DOK6: variants seen among roughly 807,000 people sequenced by gnomAD.
DOK6 encodes downstream of tyrosine kinase 6.
In DOK6, 22 loss-of-function variants were observed where a neutral mutation model predicts 44.0. The observed-to-expected ratio is 0.50, with a 90% CI of 0.36 to 0.71. The LOEUF (loss-of-function observed/expected upper bound fraction) is 0.71. Among genes scored for constraint, DOK6 ranks in the 30% least tolerant of loss-of-function variants. DOK6 has a pLI of 0.00. For synonymous variants in DOK6, 166 were observed against 145.5 expected, an observed-to-expected ratio of 1.14 and a Z score of -1.01; for missense variants, 340 against 416.4, an observed-to-expected ratio of 0.82 and a Z score of 1.60.
At chr18:69,834,937 G>C (rs1236274708) in intron 7 of DOK6, among the ~76,000 whole-genome samples, 1 of 152,220 alleles carries the variant, frequency 6.6e-6, no homozygotes, top group Non-Finnish European at 1.5e-5. Flanking sequence ...GAAAGGGGAA[G>C]AGTCACATCT....
At chr18:69,424,974 G>C (rs1427262437) in intron 1 of DOK6, among the ~76,000 whole-genome samples, 1 of 152,120 alleles carries the variant, frequency 6.6e-6, no homozygotes, top group Non-Finnish European at 1.5e-5. Flanking sequence ...TTGCCATCAT[G>C]CTTCAGTGCC....
intron 3 of DOK6, among the ~76,000 whole-genome samples, chr18:69,627,905 C>G (rs1296701760): frequency 6.6e-6 from 1 of 152,110 alleles, no homozygotes; most frequent in Non-Finnish European, 1.5e-5. Flanking sequence ...ATATCATTAT[C>G]CACAACTTAC....
At chr18:69,520,849 T>A (rs1314196620) in intron 1 of DOK6, among the ~76,000 whole-genome samples, 1 of 151,894 alleles carries the variant, frequency 6.6e-6, no homozygotes, top group Non-Finnish European at 1.5e-5. Flanking sequence ...TTCAATTCAA[T>A]TCAGTTCCGT....
At chr18:69,423,330 A>G (rs1978548445) in intron 1 of DOK6, among the ~76,000 whole-genome samples, 1 of 151,926 alleles carries the variant, frequency 6.6e-6, no homozygotes, top group Non-Finnish European at 1.5e-5. Flanking sequence ...AACAACAAAA[A>G]ATGTTGGGAA....
chr18:69,742,154 C>A (rs1214354974), intron 6 of DOK6, among the ~76,000 whole-genome samples: 3 of 152,072 alleles, frequency 2.0e-5, no homozygotes, highest in Non-Finnish European at 4.4e-5. Flanking sequence ...GTGGCTCATG[C>A]CTGTAATCCC....
At chr18:69,776,654 G>C (rs1980076153) in intron 7 of DOK6, among the ~76,000 whole-genome samples, 1 of 151,926 alleles carries the variant, frequency 6.6e-6, no homozygotes, top group Non-Finnish European at 1.5e-5. Context: ...CAATACTAAA[G>C]ACATCATCAC....
At chr18:69,519,070 T>C (rs1040455374) in intron 1 of DOK6, among the ~76,000 whole-genome samples, 9 of 152,026 alleles carry the variant, frequency 5.9e-5, no homozygotes, top group African/African-American at 2.2e-4. Context: ...GTAGTTGGCT[T>C]TCAGAAATTT....
chr18:69,820,854 G>A (rs1981547504), intron 7 of DOK6, among the ~76,000 whole-genome samples: 1 of 152,044 alleles, frequency 6.6e-6, no homozygotes, highest in African/African-American at 2.4e-5. Context: ...GGGAACACAT[G>A]GACGCATAGA....
chr18:69,755,622 C>G (rs1364325966), intron 6 of DOK6, among the ~76,000 whole-genome samples: 1 of 152,180 alleles, frequency 6.6e-6, no homozygotes, highest in Non-Finnish European at 1.5e-5. Flanking sequence ...ATAAAATGAG[C>G]CTGGCCTCTA....
chr18:69,441,651 A>C (rs1806199201), intron 1 of DOK6, among the ~76,000 whole-genome samples: 1 of 152,198 alleles, frequency 6.6e-6, no homozygotes, highest in Non-Finnish European at 1.5e-5. Flanking sequence ...CAGAACATGC[A>C]CTGGATAATA....
intron 5 of DOK6, among the ~76,000 whole-genome samples, chr18:69,736,466 AC>A (rs1446323673): frequency 2.0e-5 from 3 of 152,326 alleles, no homozygotes; most frequent in Non-Finnish European, 2.9e-5. Flanking sequence ...AAGAAAAAAA[AC>A]ATTCATTTTG....
intron 6 of DOK6, among the ~76,000 whole-genome samples, chr18:69,756,428 T>A (rs1389443742): frequency 1.3e-5 from 2 of 152,096 alleles, no homozygotes; most frequent in African/African-American, 2.4e-5. Flanking sequence ...GAGCCATCTT[T>A]AAAAAAAGAA....
intron 1 of DOK6, among the ~76,000 whole-genome samples, chr18:69,478,194 A>G (rs570302925): frequency 6.6e-6 from 1 of 152,312 alleles, no homozygotes; most frequent in East Asian, 1.9e-4. Context: ...TTTCCGAATC[A>G]CGCTATTTTG....
In DOK6 at chr18:69,541,298, G is replaced by A. The variant is rs745595806; in HGVS notation, c.67-23189G>A. Among the ~76,000 whole-genome samples, 5 of 150,346 alleles carry A rather than the reference G, an allele frequency of 3.3e-5. 2 individuals carry two copies. The highest frequency in any genetic ancestry group is 7.5e-5 in the Non-Finnish European group (5 of 66,816). Reference sequence around the variant, plus strand: ...TGGAATAATTCCTAAGTAGAAATATGTACTTGCTTGTGATGGGGAAATTGA... The same window carrying A: ...TGGAATAATTCCTAAGTAGAAATATATACTTGCTTGTGATGGGGAAATTGA... On this transcript the variant is annotated intron_variant, in intron 1 of 7. Coordinates refer to ENST00000382713, the MANE Select transcript of DOK6 (RefSeq NM_152721.6).
intron 3 of DOK6, among the ~76,000 whole-genome samples, chr18:69,676,157 G>A (rs1985917724): frequency 6.6e-6 from 1 of 152,056 alleles, no homozygotes; most frequent in African/African-American, 2.4e-5. Flanking sequence ...GTGAGGGGAT[G>A]GTCCCTGACA....
Position 69,757,800 on chromosome 18 carries a change from A to C in DOK6, c.783A>C (p.Ile261=). Residue 261 remains isoleucine (I), a synonymous_variant, in exon 7 of 8, where the codon ATA becomes ATC. Coordinates refer to ENST00000382713, the MANE Select transcript of DOK6 (RefSeq NM_152721.6). ...AACCAATGACATTATCCAAATCAAT[A>C]TCTCTTCCTCGCAGCGCGTACTGGC... ...LTEPMTLSKS[I]SLPRSAYWHH... is the part of the protein sequence containing the mutation. 1 of 1,614,162 alleles carries C rather than the reference A, an allele frequency of 6.2e-7. No homozygotes were observed. Among genetic ancestry groups the C allele is most frequent in the East Asian group, 2.2e-5 (1 of 44,882 alleles).
intron 3 of DOK6, among the ~76,000 whole-genome samples, chr18:69,668,424 C>T (rs75404464): frequency 0.018 from 2,796 of 151,750 alleles, 96 homozygotes; most frequent in African/African-American, 0.064. Context: ...TTCATTTTTC[C>T]TATAGTTTTT....
intron 7 of DOK6, among the ~76,000 whole-genome samples, chr18:69,798,564 A>G (rs1016163265): frequency 1.3e-5 from 2 of 152,008 alleles, no homozygotes; most frequent in African/African-American, 4.8e-5. Flanking sequence ...ATTGTATAGC[A>G]TTTGTGCATT....
At chr18:69,762,413 C>T (rs531283838) in intron 7 of DOK6, among the ~76,000 whole-genome samples, 2 of 152,280 alleles carry the variant, frequency 1.3e-5, no homozygotes, top group South Asian at 4.1e-4. Flanking sequence ...AGTGGCATTA[C>T]CTCTTCTTTA....
Sources: allele counts gnomAD v4.1 joint callset (sites outside exome capture counted in the v4.1 genomes callset), GRCh38; gene constraint gnomAD v4.1.1; transcripts MANE v1.5; gene names NCBI Gene and HGNC (gene_info 2026-07-23, HGNC 2026-07-21).